Variants in SWT1 observed in about 807,000 individuals in gnomAD.
SWT1 encodes the protein transcriptional protein SWT1.
Under a neutral mutation model 107.3 loss-of-function variants are expected in SWT1, and 33 were observed. The observed-to-expected ratio is 0.31, with a 90% CI of 0.23 to 0.41. The LOEUF (loss-of-function observed/expected upper bound fraction) is 0.41, where lower values mean the gene tolerates loss of function less well. Ranked by LOEUF, SWT1 falls within the 10% of genes least tolerant of loss-of-function variation. SWT1 has a pLI of 1.00. For missense variants in SWT1, 898 were observed against 1,028.9 expected (o/e 0.87, Z 1.74); for synonymous variants, 345 against 348.3 (o/e 0.99, Z 0.11).
chr1:185,182,168 G>T, intron 7 of SWT1, 111 bp downstream of exon 7: 1 of 1,070,796 alleles, frequency 9.3e-7, no homozygotes, highest in Non-Finnish European at 1.3e-6. Context: ...GTGCTCACTT[G>T]AAATGAATGA....
intron 16 of SWT1, chr1:185,264,463 T>C (rs2102704990): frequency 1.0e-6 from 1 of 984,276 alleles, no homozygotes; most frequent in African/African-American, 1.7e-5. Context: ...TAATTTGTGG[T>C]GTTTTCAAAG....
At chr1:185,246,650 A>AG (rs964226606) in intron 16 of SWT1, among the ~76,000 whole-genome samples, 3 of 98,528 alleles carry the variant, frequency 3.0e-5, no homozygotes, top group Non-Finnish European at 4.1e-5. Flanking sequence ...TTTTTAATAG[A>AG]GGGGGGTCTC....
At chr1:185,205,891 C>G (rs530704902) in intron 12 of SWT1, among the ~76,000 whole-genome samples, 31 of 152,196 alleles carry the variant, frequency 2.0e-4, no homozygotes, top group African/African-American at 5.8e-4. Context: ...GTGCTGACAT[C>G]TTATAGAATT....
Position 185,166,604 on chromosome 1 carries a change from T to C in SWT1, c.117T>C (p.Ser39=). The stretch of plus-strand genomic sequence containing the variant: ...AAGAGAGAAAAACCCCAGCAAGTTC[T>C]ACTAGTTCATCTTCTATAAGATCAG... ...DKKERKTPAS[S]TSSSSIRSVS... is the part of the protein sequence containing the mutation. The change falls in exon 3 of 19, where the codon TCT becomes TCC. Residue 39 remains serine, a synonymous_variant. Coordinates refer to ENST00000367500, the MANE Select transcript of SWT1 (RefSeq NM_017673.7). 6.2e-7 allele frequency: 1 copy of C among 1,606,646 alleles called. No homozygotes were observed. The highest frequency in any genetic ancestry group is 8.5e-7 in the Non-Finnish European group (1 of 1,175,074).
At chr1:185,181,909 A>G (rs1656050024) in intron 6 of SWT1, 37 bp from the exon 7 acceptor site, 2 of 1,610,680 alleles carry the variant, frequency 1.2e-6, no homozygotes, top group Non-Finnish European at 1.7e-6. Flanking sequence ...TCTGCAAAGT[A>G]ACTCAAAATA....
intron 10 of SWT1, among the ~76,000 whole-genome samples, chr1:185,201,686 G>T (rs1657896850): frequency 6.6e-6 from 1 of 152,138 alleles, no homozygotes; most frequent in Admixed American, 6.6e-5. Context: ...GACTGGAGCT[G>T]TTCCTATTCT....
chr1:185,288,933 C>T (rs1266531055), intron 18 of SWT1, among the ~76,000 whole-genome samples: 2 of 152,110 alleles, frequency 1.3e-5, no homozygotes, highest in African/African-American at 4.8e-5. Flanking sequence ...ACATATTAAG[C>T]ACTCCCTGCT....
chr1:185,230,744 G>T (rs1316034187), intron 15 of SWT1, among the ~76,000 whole-genome samples: 1 of 151,972 alleles, frequency 6.6e-6, no homozygotes, highest in African/African-American at 2.4e-5. Context: ...GTGTGTGTGT[G>T]TGTGTGTGTT....
rs1665233448 is a variant in SWT1, at chr1:185,291,232, A to G, written c.*429A>G. The G allele has an allele frequency of 6.5e-6, 1 of 152,742 alleles. No individual in the cohort carries two copies. Among genetic ancestry groups the G allele is most frequent in the Non-Finnish European group, 1.5e-5 (1 of 68,140 alleles). 9.5% of individuals were successfully genotyped at this position (152,742 alleles called of 1,614,324 possible). A position where few individuals can be genotyped will look rare whatever the true frequency, so the allele number is the denominator to read the frequency against. On this transcript the variant is annotated 3_prime_UTR_variant, in exon 19 of 19. Transcript: ENST00000367500. Reference sequence around the variant, plus strand: ...AAATCATTAGGGCATGATCATGCTCACCATATTTCACAAATGAAATCTTAA... The same window carrying G: ...AAATCATTAGGGCATGATCATGCTCGCCATATTTCACAAATGAAATCTTAA...
intron 14 of SWT1, among the ~76,000 whole-genome samples, chr1:185,215,680 A>G (rs942017816): frequency 1.3e-5 from 2 of 152,082 alleles, no homozygotes; most frequent in African/African-American, 4.8e-5. Context: ...CTGGGTCTAC[A>G]GGCATGGCAC....
In SWT1 at chr1:185,196,485, A is replaced by G. The variant is rs142384556; in HGVS notation, c.1523+5843A>G. On this transcript the variant is annotated intron_variant, in intron 10 of 18. Transcript: ENST00000367500. ...GCTATACGGGCTCTTTCTTCTTTCC[A>G]TATGAAATTTAAAGTAGTTTTTCTA... 7.6e-3 allele frequency among the ~76,000 whole-genome samples: 1,163 copies of G among 152,180 alleles called. 10 individuals are homozygous for G. The highest frequency in any genetic ancestry group is 0.015 in the South Asian group (74 of 4,820).
chr1:185,241,773 T>G (rs1661269909), intron 16 of SWT1, among the ~76,000 whole-genome samples: 1 of 152,012 alleles, frequency 6.6e-6, no homozygotes, highest in South Asian at 2.1e-4. Context: ...TATACTACAT[T>G]ATGACATTAG....
At chr1:185,289,493 T>G (rs772405430) in intron 18 of SWT1, among the ~76,000 whole-genome samples, 9 of 152,194 alleles carry the variant, frequency 5.9e-5, no homozygotes, top group Non-Finnish European at 1.2e-4. Context: ...GCCACACAGT[T>G]GGAATAGAAT....
chr1:185,259,084 A>C (rs1036602615), intron 16 of SWT1, among the ~76,000 whole-genome samples: 1 of 152,110 alleles, frequency 6.6e-6, no homozygotes, highest in Non-Finnish European at 1.5e-5. Flanking sequence ...TTTTTTGATC[A>C]CTTAAAATGT....
chr1:185,225,212 T>C (rs974741327), intron 15 of SWT1, among the ~76,000 whole-genome samples: 1 of 152,190 alleles, frequency 6.6e-6, no homozygotes, highest in Non-Finnish European at 1.5e-5. Flanking sequence ...TAATGTGGTT[T>C]ATCACATTTA....
At chr1:185,274,956 A>G (rs1017062285) in intron 17 of SWT1, among the ~76,000 whole-genome samples, 1 of 152,176 alleles carries the variant, frequency 6.6e-6, no homozygotes, top group Non-Finnish European at 1.5e-5. Context: ...CTACTTTGTA[A>G]ATTATCTACT....
rs563965435 is a variant in SWT1, at chr1:185,235,447, G to A, written c.2441+3739G>A. ...AAATGTAATCCAGCATATAAACAGA[G>A]CCAAAGACAAAAACCACATGATTAT... On this transcript the variant is annotated intron_variant, in intron 16 of 18. Transcript: ENST00000367500. Among the ~76,000 whole-genome samples the A allele has an allele frequency of 5.5e-3, 842 of 152,172 alleles. 34 individuals carry two copies. In the East Asian group the frequency reaches 0.094, roughly 17 times the overall value.
intron 13 of SWT1, among the ~76,000 whole-genome samples, chr1:185,209,963 C>T (rs1571510595): frequency 6.6e-6 from 1 of 152,304 alleles, no homozygotes; most frequent in East Asian, 1.9e-4. Flanking sequence ...ATTTGCATTT[C>T]TCTAATGACC....
At position 185,290,720 on chromosome 1, in the gene SWT1, A is replaced by G; in HGVS notation, c.2620A>G (p.Thr874Ala). ...CCGCCAGCTGGTTGAGATGGAATAT[A>G]CCATGCAGCAGTGCAATGCATCTGT... ...GCRQLVEMEY[T>A]MQQCNASVYM... is the part of the protein sequence containing the mutation. Residue 874 changes from threonine (T) to alanine (A), a missense_variant, in exon 19 of 19, where the codon ACC becomes GCC. Physicochemically the swap from Thr to Ala is moderately conservative, Grantham distance 58 (BLOSUM62 0). This residue lies in a region of SWT1 where 382 missense variants were observed against 460.0 expected (regional missense o/e 0.83). Transcript: ENST00000367500. The G allele has an allele frequency of 6.2e-7, 1 of 1,606,424 alleles. No homozygotes were observed. The highest frequency in any genetic ancestry group is 8.5e-7 in the Non-Finnish European group (1 of 1,175,180).
Sources: allele counts gnomAD v4.1 joint callset (sites outside exome capture counted in the v4.1 genomes callset), GRCh38; gene constraint gnomAD v4.1.1; regional missense constraint gnomAD v4.1.1; transcripts MANE v1.5; gene names NCBI Gene and HGNC (gene_info 2026-07-23, HGNC 2026-07-21).